The following PARK7 variants were observed in gnomAD, a reference collection of about 807,000 sequenced individuals.
PARK7 encodes the protein Parkinson disease protein 7.
Under a neutral mutation model 20.5 loss-of-function variants are expected in PARK7, and 14 were observed. The ratio of observed to expected loss-of-function variants is 0.68; its 90% CI spans 0.45 to 1.07. The LOEUF is 1.07. Ranked by LOEUF, PARK7 falls within the 50% of genes least tolerant of loss-of-function variation. The pLI is 0.00. For missense variants in PARK7, 234 were observed against 238.1 expected (o/e 0.98, Z 0.11); for synonymous variants, 98 against 84.3 (o/e 1.16, Z -0.89).
chr1:7,964,279 T>C (rs1481280956), intron 2 of PARK7, among the ~76,000 whole-genome samples: 1 of 152,200 alleles, frequency 6.6e-6, no homozygotes, highest in African/African-American at 2.4e-5. Context: ...GTGAGTTAGA[T>C]ATCACCATCC....
Position 7,984,907 on chromosome 1 carries a change from C to T in PARK7, c.423C>T (p.Tyr141=). 6.2e-7 allele frequency: 1 copy of T among 1,614,178 alleles called. No homozygotes were observed. The highest frequency in any genetic ancestry group is 8.5e-7 in the Non-Finnish European group (1 of 1,180,044). ...TCTACTTTGCAGGTCATTACACCTA[C>T]TCTGAGAATCGTGTGGAAAAAGACG... ...DKMMNGGHYT[Y]SENRVEKDGL... The change falls in exon 7 of 7, where the codon TAC becomes TAT. Residue 141 remains tyrosine, a synonymous_variant. Coordinates refer to ENST00000338639, the MANE Select transcript of PARK7 (RefSeq NM_007262.5). The surrounding 1 kb of genome is among the most constrained non-coding windows in gnomAD (Gnocchi z 4.3).
At chr1:7,969,076 C>G in intron 3 of PARK7, 1 of 394,042 alleles carries the variant, frequency 2.5e-6, no homozygotes, top group South Asian at 3.2e-5. Context: ...ATATCCTTGT[C>G]TTTTACAGGA....
intron 4 of PARK7, 75 bp downstream of exon 4, chr1:7,969,479 A>C: frequency 2.0e-6 from 2 of 1,015,758 alleles, no homozygotes; most frequent in Admixed American, 3.9e-5. Context: ...GCATCTGCTT[A>C]TGTTCTGTTA....
At chr1:7,982,175 CG>C in intron 6 of PARK7, among the ~76,000 whole-genome samples, 2 of 146,204 alleles carry the variant, frequency 1.4e-5, no homozygotes, top group Non-Finnish European at 3.0e-5. Context: ...TTAGTAGAGG[CG>C]GGGTTTCACC....
At position 7,971,065 on chromosome 1, in the gene PARK7, G is replaced by A. The variant is rs71653620; in HGVS notation, c.322+102G>A. The stretch of plus-strand genomic sequence containing the variant: ...ATAGCTCTTCCCCTTCATAAAGCAT[G>A]CAGGGCATCTGTGTTGGTGTATTTA... On this transcript the variant is annotated intron_variant, in intron 5 of 6. Transcript: ENST00000338639. 7,198 of 1,249,428 alleles carry A rather than the reference G, an allele frequency of 5.8e-3. 38 individuals are homozygous for A. Among genetic ancestry groups the A allele is most frequent in the Non-Finnish European group, 7.7e-3 (6,579 of 853,976 alleles). 77.4% of individuals were successfully genotyped at this position (1,249,428 alleles called of 1,614,324 possible).
At chr1:7,964,385 C>T (rs1640282227) in intron 2 of PARK7, among the ~76,000 whole-genome samples, 2 of 152,188 alleles carry the variant, frequency 1.3e-5, no homozygotes, top group African/African-American at 4.8e-5. Context: ...CCCAGGCAGC[C>T]TGGCCCCAGA....
At chr1:7,977,858 C>A in intron 6 of PARK7, 120 bp downstream of exon 6, 1 of 805,306 alleles carries the variant, frequency 1.2e-6, no homozygotes, top group South Asian at 1.4e-5. Context: ...CTCCCGGGTT[C>A]AAGCGATTCT....
At chr1:7,983,646 G>T (rs542446292) in intron 6 of PARK7, among the ~76,000 whole-genome samples, 1 of 152,380 alleles carries the variant, frequency 6.6e-6, no homozygotes, top group East Asian at 1.9e-4. Flanking sequence ...AGTTGGCAAG[G>T]GCTTTCCATG....
chr1:7,972,462 A>G (rs1412272685), intron 5 of PARK7, among the ~76,000 whole-genome samples: 1 of 152,180 alleles, frequency 6.6e-6, no homozygotes, highest in African/African-American at 2.4e-5. Flanking sequence ...CATGTCTTTC[A>G]AACAAAATGT....
chr1:7,963,210 C>T (rs1011523252), intron 2 of PARK7, among the ~76,000 whole-genome samples: 4 of 151,944 alleles, frequency 2.6e-5, no homozygotes, highest in Middle Eastern at 3.2e-3. Context: ...ACTACAGATG[C>T]GTGCCACCAC....
At chr1:7,982,105 G>T (rs1050186374) in intron 6 of PARK7, among the ~76,000 whole-genome samples, 13 of 149,054 alleles carry the variant, frequency 8.7e-5, no homozygotes, top group African/African-American at 3.0e-4. Context: ...CTCCTGAATA[G>T]CTGGGATTAC....
At chr1:7,963,238 A>G (rs1374508982) in intron 2 of PARK7, among the ~76,000 whole-genome samples, 1 of 151,884 alleles carries the variant, frequency 6.6e-6, no homozygotes, top group African/African-American at 2.4e-5. Flanking sequence ...TAATTTTTGT[A>G]TGTTTTGTAG....
chr1:7,974,902 C>T (rs1250465277), intron 5 of PARK7, among the ~76,000 whole-genome samples: 1 of 146,764 alleles, frequency 6.8e-6, no homozygotes, highest in Non-Finnish European at 1.5e-5. Context: ...GTTGCCCAAG[C>T]TGGAGTGCAG....
intron 5 of PARK7, chr1:7,971,265 CTGTGCCAGAAAGTCTT>C: frequency 2.3e-6 from 1 of 432,178 alleles, no homozygotes; most frequent in Non-Finnish European, 4.3e-6. Context: ...CAGCAAGTCT[CTGTGCCAGAAAGTCTT>C]TGTGCCAGCA....
intron 5 of PARK7, 103 bp downstream of exon 5, chr1:7,971,066 C>A: frequency 8.2e-7 from 1 of 1,222,770 alleles, no homozygotes; most frequent in Non-Finnish European, 1.2e-6. Context: ...ATAAAGCATG[C>A]AGGGCATCTG....
intron 4 of PARK7, 30 bp downstream of exon 4, chr1:7,969,434 T>C (rs2641116): frequency 3.3e-6 from 3 of 911,152 alleles, no homozygotes; most frequent in African/African-American, 1.6e-5. Flanking sequence ...TATACCTCAA[T>C]AAAGCTGGGG....
chr1:7,972,873 T>C (rs1183649347), intron 5 of PARK7, among the ~76,000 whole-genome samples: 1 of 152,112 alleles, frequency 6.6e-6, no homozygotes, highest in African/African-American at 2.4e-5. Context: ...ACCCCGTCTC[T>C]ACTAAAAATA....
Position 7,985,308 on chromosome 1 carries a change from A to G in PARK7, c.*254A>G. The G allele has an allele frequency of 2.0e-6, 1 of 493,608 alleles. No homozygotes were observed. Among genetic ancestry groups the G allele is most frequent in the Admixed American group, 3.3e-5 (1 of 30,756 alleles). 30.6% of individuals were successfully genotyped at this position (493,608 alleles called of 1,614,324 possible). ...CTGATTGTTTCTTGTTTTGTCTCTC[A>G]TTTCTTTTGTGAAATTAAATTCCGT... On this transcript the variant is annotated 3_prime_UTR_variant, in exon 7 of 7. Transcript: ENST00000338639.
At chr1:7,974,152 A>AC (rs1375897637) in intron 5 of PARK7, among the ~76,000 whole-genome samples, 1 of 126,910 alleles carries the variant, frequency 7.9e-6, no homozygotes, top group Non-Finnish European at 1.9e-5. Flanking sequence ...ACCGACCTCT[A>AC]CAAAAAAATA....
Sources: gnomAD v4.1 joint callset for allele counts (sites outside exome capture counted in the v4.1 genomes callset) on GRCh38, gnomAD v4.1.1 for gene constraint, Gnocchi (gnomAD v3.1) non-coding constraint, MANE v1.5 for transcripts, NCBI Gene and HGNC (gene_info 2026-07-23, HGNC 2026-07-21) for gene names.